The following PCDHGA1 variants were observed in gnomAD, a reference collection of about 807,000 sequenced individuals.
The protein encoded by PCDHGA1 is protocadherin gamma subfamily A, 1.
In PCDHGA1, 32 loss-of-function variants were observed where a neutral mutation model predicts 58.0. The observed-to-expected ratio is 0.55, with a 90% CI of 0.42 to 0.74. PCDHGA1 has a LOEUF of 0.74. PCDHGA1 is among the 30% of genes least tolerant of loss of function. The pLI, the probability that PCDHGA1 is intolerant of heterozygous loss-of-function variation, is 0.00. For synonymous variants in PCDHGA1, 498 were observed against 501.1 expected (o/e 0.99, Z 0.08); for missense variants, 1,205 against 1,182.3 (o/e 1.02, Z -0.28).
chr5:141,505,255 C>T (rs2099844853), intron 2 of PCDHGA1, 138 bp from the exon 3 acceptor site: 1 of 1,481,112 alleles, frequency 6.8e-7, no homozygotes, highest in Admixed American at 2.1e-5. Context: ...AGAAGTGCCT[C>T]CTACCTTGCT....
intron 1 of PCDHGA1, among the ~76,000 whole-genome samples, chr5:141,450,750 G>C (rs778218781): frequency 1.1e-4 from 16 of 152,002 alleles, no homozygotes; most frequent in Admixed American, 2.0e-4. Context: ...GCCTCCCAAA[G>C]TGCCGGGATT....
chr5:141,385,490 G>A, intron 1 of PCDHGA1: 15 of 1,399,988 alleles, frequency 1.1e-5, no homozygotes, highest in East Asian at 2.6e-5. Context: ...AGAACACATA[G>A]GATATAGTAT....
chr5:141,398,317 C>G (rs1364315924), intron 1 of PCDHGA1: 1 of 1,349,834 alleles, frequency 7.4e-7, no homozygotes, highest in Non-Finnish European at 1.0e-6. Flanking sequence ...GTTACCGACT[C>G]GAAAACTGCG....
intron 1 of PCDHGA1, among the ~76,000 whole-genome samples, chr5:141,407,652 A>G (rs2094964200): frequency 6.6e-6 from 1 of 152,020 alleles, no homozygotes; most frequent in Non-Finnish European, 1.5e-5. Flanking sequence ...ATAATGGGGG[A>G]GCGCAGTATA....
intron 1 of PCDHGA1, chr5:141,408,051 C>G (rs894200228): frequency 3.2e-5 from 41 of 1,264,370 alleles, no homozygotes; most frequent in African/African-American, 1.1e-4. Flanking sequence ...CCACACAGAG[C>G]CTCCCGGCTG....
intron 1 of PCDHGA1, among the ~76,000 whole-genome samples, chr5:141,480,730 G>T (rs1261461187): frequency 6.6e-6 from 1 of 152,168 alleles, no homozygotes; most frequent in Non-Finnish European, 1.5e-5. Flanking sequence ...GTCTCTGGGG[G>T]TGGGACATAG....
intron 1 of PCDHGA1, among the ~76,000 whole-genome samples, chr5:141,444,466 C>T (rs539222916): frequency 7.9e-5 from 12 of 152,100 alleles, no homozygotes; most frequent in East Asian, 1.9e-4. Context: ...TCACTGCGCC[C>T]GGTCGCGTAC....
In PCDHGA1 at chr5:141,423,130, G is replaced by A. The variant is rs770258338; in HGVS notation, c.2422-71677G>A. On this transcript the variant is annotated intron_variant, in intron 1 of 3. Coordinates refer to ENST00000517417, the MANE Select transcript of PCDHGA1 (RefSeq NM_018912.3). The stretch of plus-strand genomic sequence containing the variant: ...GGTGCGTACAGCGCGGGCACTGCTG[G>A]ACAGAGACGCGCTCAAGCAGAGCCT... The A allele has an allele frequency of 9.3e-6, 15 of 1,613,582 alleles. No individual in the cohort carries two copies. Among genetic ancestry groups the A allele is most frequent in the Middle Eastern group, 1.6e-4 (1 of 6,072 alleles).
intron 1 of PCDHGA1, among the ~76,000 whole-genome samples, chr5:141,369,573 C>T (rs12188189): frequency 0.047 from 7,089 of 152,168 alleles, 244 homozygotes; most frequent in Admixed American, 0.083. Flanking sequence ...GAAAAGAGAC[C>T]CTCTTGCTTT....
chr5:141,485,827 G>A lies in PCDHGA1; in HGVS notation c.2422-8980G>A. 1 of 1,614,154 alleles carries A rather than the reference G, an allele frequency of 6.2e-7. No individual in the cohort carries two copies. The highest frequency in any genetic ancestry group is 1.1e-5 in the South Asian group (1 of 91,080). On this transcript the variant is annotated intron_variant, in intron 1 of 3. Coordinates refer to ENST00000517417, the MANE Select transcript of PCDHGA1 (RefSeq NM_018912.3). The surrounding 1 kb of genome is among the most constrained non-coding windows in gnomAD (Gnocchi z 5.7). Reference sequence around the variant, plus strand: ...TGGTGCTGACTGCTGTCGATGGAGGGAACCCGCCGAGATCTGGCACCGCAG... The same window carrying A: ...TGGTGCTGACTGCTGTCGATGGAGGAAACCCGCCGAGATCTGGCACCGCAG...
chr5:141,505,053 T>C (rs904041070), intron 2 of PCDHGA1, among the ~76,000 whole-genome samples: 2 of 152,108 alleles, frequency 1.3e-5, no homozygotes, highest in African/African-American at 4.8e-5. Context: ...TCCCAGCTAC[T>C]TGGGAGACTG....
At position 141,404,170 on chromosome 5, in the gene PCDHGA1, G is replaced by A. The variant is rs73279089; in HGVS notation, c.2421+71065G>A. 22 of 1,612,630 alleles carry A rather than the reference G, an allele frequency of 1.4e-5. No individual in the cohort carries two copies. In the East Asian group the frequency reaches 1.8e-4, roughly 13 times the overall value. On this transcript the variant is annotated intron_variant, in intron 1 of 3. Coordinates refer to ENST00000517417, the MANE Select transcript of PCDHGA1 (RefSeq NM_018912.3). ...AAGAAGATTATTACAGATTGTTGACGGCCCAAATTCTTGACCGAGAAAAAG... is the reference window on the plus strand; with the variant it reads ...AAGAAGATTATTACAGATTGTTGACAGCCCAAATTCTTGACCGAGAAAAAG...
chr5:141,474,961 A>G (rs1395755491), intron 1 of PCDHGA1, among the ~76,000 whole-genome samples: 1 of 152,254 alleles, frequency 6.6e-6, no homozygotes, highest in South Asian at 2.1e-4. Flanking sequence ...TCACTATCCT[A>G]ATCATTATAA....
chr5:141,338,887 G>T, intron 1 of PCDHGA1: 1 of 1,468,476 alleles, frequency 6.8e-7, no homozygotes, highest in Non-Finnish European at 9.0e-7. Context: ...CGTGAATGCT[G>T]GTTATCTCAC....
At position 141,387,650 on chromosome 5, in the gene PCDHGA1, G is replaced by C. The variant is rs116225244; in HGVS notation, c.2421+54545G>C. 2,320 of 639,876 alleles carry C rather than the reference G, an allele frequency of 3.6e-3. 38 individuals are homozygous for C. The highest frequency in any genetic ancestry group is 0.034 in the African/African-American group (1,854 of 54,556). 39.6% of individuals were successfully genotyped at this position (639,876 alleles called of 1,614,324 possible). A position where few individuals can be genotyped will look rare whatever the true frequency, so the allele number is the denominator to read the frequency against. Reference sequence around the variant, plus strand: ...CTGGGCGCCGCTGTTGGCCAAAGTGGAGAGCTTGGCGCTCCAGATCTCCTC... The same window carrying C: ...CTGGGCGCCGCTGTTGGCCAAAGTGCAGAGCTTGGCGCTCCAGATCTCCTC... On this transcript the variant is annotated intron_variant, in intron 1 of 3. Coordinates refer to ENST00000517417, the MANE Select transcript of PCDHGA1 (RefSeq NM_018912.3).
rs772962568 is a variant in PCDHGA1, at chr5:141,476,311, G to A, written c.2422-18496G>A. The stretch of plus-strand genomic sequence containing the variant: ...ATCTCGGTAGCCTCTCAGCCCGCAG[G>A]TTCCGGGTGGTGTCTGGAGCTAGCC... On this transcript the variant is annotated intron_variant, in intron 1 of 3. Transcript: ENST00000517417. The surrounding 1 kb of genome is among the most constrained non-coding windows in gnomAD (Gnocchi z 7.6). 13 of 1,613,680 alleles carry A rather than the reference G, an allele frequency of 8.1e-6. No individual in the cohort carries two copies. The African/African-American group carries it at 1.5e-4, about 18-fold the overall frequency.
chr5:141,432,227 T>C lies in PCDHGA1; in HGVS notation c.2422-62580T>C, dbSNP rs1046414550. On this transcript the variant is annotated intron_variant, in intron 1 of 3. Coordinates refer to ENST00000517417, the MANE Select transcript of PCDHGA1 (RefSeq NM_018912.3). This position sits in a 1 kb window ranked among gnomAD's most constrained non-coding sequence, Gnocchi z 6.0. ...TGAAGAGAACGCCCAGATCACTTATTCCCTGGCTGAGAACACCATCCAAGG... is the reference window on the plus strand; with the variant it reads ...TGAAGAGAACGCCCAGATCACTTATCCCCTGGCTGAGAACACCATCCAAGG... 1.4e-5 allele frequency: 22 copies of C among 1,614,080 alleles called. No individual in the cohort carries two copies. The highest frequency in any genetic ancestry group is 1.8e-5 in the Non-Finnish European group (21 of 1,180,042).
At position 141,432,458 on chromosome 5, in the gene PCDHGA1, C is replaced by T. The variant is rs1368524835; in HGVS notation, c.2422-62349C>T. 1.9e-6 allele frequency: 3 copies of T among 1,614,136 alleles called. No individual in the cohort carries two copies. The highest frequency in any genetic ancestry group is 8.5e-7 in the Non-Finnish European group (1 of 1,180,066). ...TGCGCCCGAGATCCTGTACCCCGCC[C>T]TCCCCACGGACGGTTCCACTGGCGT... On this transcript the variant is annotated intron_variant, in intron 1 of 3. Transcript: ENST00000517417. This position sits in a 1 kb window ranked among gnomAD's most constrained non-coding sequence, Gnocchi z 6.0.
chr5:141,383,357 C>A lies in PCDHGA1; in HGVS notation c.2421+50252C>A, dbSNP rs769784659. The A allele has an allele frequency of 9.9e-6, 16 of 1,613,956 alleles. No homozygotes were observed. The South Asian group carries it at 1.8e-4, about 18-fold the overall frequency. ...AATACAGCTCCTGGGGTTCGGTTTC[C>A]GTTAAGCGAGGCTGGGGATCCAGAT... On this transcript the variant is annotated intron_variant, in intron 1 of 3. Transcript: ENST00000517417.
Sources: gnomAD v4.1 joint callset for allele counts (sites outside exome capture counted in the v4.1 genomes callset) on GRCh38, gnomAD v4.1.1 for gene constraint, Gnocchi (gnomAD v3.1) non-coding constraint, MANE v1.5 for transcripts, NCBI Gene and HGNC (gene_info 2026-07-23, HGNC 2026-07-21) for gene names.